MICAL3: variants seen among roughly 807,000 people sequenced by gnomAD.
MICAL3 encodes the protein microtubule associated monooxygenase, calponin and LIM domain containing 3.
MICAL3 carries 62 observed loss-of-function variants against 207.4 expected under a neutral mutation model. That is an observed-to-expected ratio of 0.30 (90% CI 0.24 to 0.37). The LOEUF (loss-of-function observed/expected upper bound fraction) is 0.37. Ranked by LOEUF, MICAL3 falls within the 10% of genes least tolerant of loss-of-function variation. MICAL3 has a pLI of 1.00. For synonymous variants in MICAL3, 1,077 were observed against 1,069.3 expected, an observed-to-expected ratio of 1.01 and a Z score of -0.14; for missense variants, 2,368 against 2,635.6, an observed-to-expected ratio of 0.90 and a Z score of 2.22.
intron 19 of MICAL3, among the ~76,000 whole-genome samples, chr22:17,845,344 G>A (rs1301666281): frequency 1.3e-5 from 2 of 152,156 alleles, no homozygotes; most frequent in African/African-American, 2.4e-5. Context: ...CGTGGGGAAC[G>A]CATACTGTCT....
chr22:17,901,032 T>C (rs1931275697), intron 5 of MICAL3, 35 bp from the exon 6 acceptor site: 2 of 1,607,776 alleles, frequency 1.2e-6, no homozygotes, highest in Non-Finnish European at 1.7e-6. Context: ...GTGATAATCA[T>C]TGGCTAGAGA....
At chr22:17,925,143 A>C (rs1259135138) in intron 1 of MICAL3, among the ~76,000 whole-genome samples, 1 of 152,070 alleles carries the variant, frequency 6.6e-6, no homozygotes, top group Admixed American at 6.6e-5. Context: ...CAACCACACT[A>C]GGTGCCGAGC....
chr22:17,837,819 T>C (rs73384553), intron 20 of MICAL3, among the ~76,000 whole-genome samples: 2,464 of 152,320 alleles, frequency 0.016, 67 homozygotes, highest in African/African-American at 0.057. Context: ...ACCCACTGAA[T>C]TAGATACTCC....
At chr22:17,963,961 C>T (rs1935035263) in intron 1 of MICAL3, among the ~76,000 whole-genome samples, 1 of 152,118 alleles carries the variant, frequency 6.6e-6, no homozygotes, top group Admixed American at 6.5e-5. Flanking sequence ...AATCTGAGAC[C>T]CTCGCAAATT....
intron 1 of MICAL3, among the ~76,000 whole-genome samples, chr22:17,997,853 T>C (rs1283292124): frequency 4.0e-5 from 6 of 151,592 alleles, no homozygotes; most frequent in Non-Finnish European, 8.8e-5. Flanking sequence ...AAACACTCAA[T>C]AAATGTTAAC....
intron 19 of MICAL3, chr22:17,861,131 G>C: frequency 6.1e-6 from 6 of 985,380 alleles, no homozygotes; most frequent in Non-Finnish European, 7.2e-6. Flanking sequence ...AAGGGAAGGG[G>C]ACGTGGGAAG....
intron 20 of MICAL3, among the ~76,000 whole-genome samples, chr22:17,836,714 G>A (rs1923420913): frequency 6.6e-6 from 1 of 150,724 alleles, no homozygotes; most frequent in Admixed American, 6.6e-5. Context: ...GCGCGATCTA[G>A]GCTCACTGCA....
chr22:17,964,361 T>C (rs867700720), intron 1 of MICAL3, among the ~76,000 whole-genome samples: 2 of 152,302 alleles, frequency 1.3e-5, no homozygotes, highest in Non-Finnish European at 2.9e-5. Flanking sequence ...CTCCCAGCCA[T>C]GTACACAGTA....
intron 1 of MICAL3, among the ~76,000 whole-genome samples, chr22:17,968,993 ATG>A (rs1935282534): frequency 6.6e-6 from 1 of 152,214 alleles, no homozygotes; most frequent in Non-Finnish European, 1.5e-5. Context: ...AGTCAAAAAT[ATG>A]TAAAATTCAA....
rs960500919 is a variant in MICAL3 at position 17,821,130 on chromosome 22, G to A, written c.3531+297C>T. The stretch of plus-strand genomic sequence containing the variant: ...GTATGTGGACCTAACACAGTGACAC[G>A]GGGTAGAGGACTCAGGTTTGGGATC... On this transcript the variant is annotated intron_variant, in intron 25 of 31. Transcript: ENST00000441493. 6.6e-5 allele frequency among the ~76,000 whole-genome samples: 10 copies of A among 151,822 alleles called. No individual in the cohort carries two copies. The East Asian group carries it at 7.7e-4, about 12-fold the overall frequency.
intron 1 of MICAL3, among the ~76,000 whole-genome samples, chr22:17,954,796 G>C (rs1159298476): frequency 6.6e-6 from 1 of 151,816 alleles, no homozygotes; most frequent in Non-Finnish European, 1.5e-5. Flanking sequence ...GCCCAGGCTG[G>C]AGTGTAGTGG....
intron 19 of MICAL3, among the ~76,000 whole-genome samples, chr22:17,852,668 ACCAGCAACC>A (rs1023398563): frequency 7.2e-5 from 11 of 152,192 alleles, no homozygotes; most frequent in African/African-American, 2.7e-4. Context: ...CCTGGGTCTA[ACCAGCAACC>A]CCAGACAGGC....
chr22:17,827,889 A>G, intron 21 of MICAL3, 108 bp from the exon 22 acceptor site: 1 of 1,198,504 alleles, frequency 8.3e-7, no homozygotes, highest in Admixed American at 2.5e-5. Flanking sequence ...CAGGGTCAGT[A>G]TGAATCAGAA....
At chr22:17,880,378 C>T (rs750253274) in intron 16 of MICAL3, among the ~76,000 whole-genome samples, 5 of 152,212 alleles carry the variant, frequency 3.3e-5, no homozygotes, top group Non-Finnish European at 7.3e-5. Flanking sequence ...CAGGCGACAG[C>T]GGACGCTGAG....
chr22:17,882,957 G>C (rs896211545), intron 16 of MICAL3, among the ~76,000 whole-genome samples: 11 of 152,158 alleles, frequency 7.2e-5, no homozygotes, highest in Non-Finnish European at 1.2e-4. Flanking sequence ...GAGTGCTTCT[G>C]GCGGCCCCTC....
chr22:17,832,229 G>T, intron 20 of MICAL3, 122 bp from the exon 21 acceptor site: 2 of 1,263,394 alleles, frequency 1.6e-6, no homozygotes, highest in South Asian at 1.4e-5. Flanking sequence ...CAGGCGGAGA[G>T]AGACAGGAGG....
At chr22:18,003,839 A>G (rs747462495) in intron 1 of MICAL3, among the ~76,000 whole-genome samples, 4 of 151,472 alleles carry the variant, frequency 2.6e-5, no homozygotes, top group Non-Finnish European at 4.4e-5. Flanking sequence ...GTGCCATCTC[A>G]GCTCACTGCA....
intron 19 of MICAL3, among the ~76,000 whole-genome samples, chr22:17,850,221 T>C (rs1388401611): frequency 1.3e-5 from 2 of 151,918 alleles, no homozygotes; most frequent in Non-Finnish European, 2.9e-5. Context: ...ACCAGTTCTG[T>C]ACCAGGGAAA....
intron 1 of MICAL3, among the ~76,000 whole-genome samples, chr22:17,945,891 G>C (rs1441042208): frequency 6.6e-6 from 1 of 152,188 alleles, no homozygotes; most frequent in Non-Finnish European, 1.5e-5. Flanking sequence ...ATGTTCACTC[G>C]GTGGCGGAAG....
Sources: allele counts gnomAD v4.1 joint callset (sites outside exome capture counted in the v4.1 genomes callset), GRCh38; gene constraint gnomAD v4.1.1; transcripts MANE v1.5; gene names NCBI Gene and HGNC (gene_info 2026-07-23, HGNC 2026-07-21).